The following NREP variants were observed in gnomAD, a reference collection of about 807,000 sequenced individuals.
NREP encodes neuronal regeneration-related protein.
In NREP, 5 loss-of-function variants were observed where a neutral mutation model predicts 8.6. The observed-to-expected ratio is 0.58, with a 90% CI of 0.30 to 1.22. The LOEUF (loss-of-function observed/expected upper bound fraction) is 1.22, where lower values mean the gene tolerates loss of function less well. Among genes scored for constraint, NREP ranks in the 50% most tolerant of loss-of-function variants. The pLI, the probability that NREP is intolerant of heterozygous loss-of-function variation, is 0.07. For synonymous variants in NREP, 27 were observed against 28.0 expected, an observed-to-expected ratio of 0.96 and a Z score of 0.11; for missense variants, 86 against 82.5, an observed-to-expected ratio of 1.04 and a Z score of -0.17.
chr5:111,784,604 G>A (rs903964760), intron 2 of NREP, among the ~76,000 whole-genome samples: 1 of 152,118 alleles, frequency 6.6e-6, no homozygotes, highest in South Asian at 2.1e-4. Flanking sequence ...AGATGTTGAA[G>A]AAATATTATT....
chr5:111,822,879 T>C (rs2112926036), intron 2 of NREP, among the ~76,000 whole-genome samples: 1 of 152,320 alleles, frequency 6.6e-6, no homozygotes, highest in Admixed American at 6.5e-5. Context: ...CATCAACATA[T>C]CACTGGAATC....
At chr5:111,903,082 CTTTTT>C (rs759722512) in intron 2 of NREP, among the ~76,000 whole-genome samples, 3 of 122,720 alleles carry the variant, frequency 2.4e-5, no homozygotes, top group Non-Finnish European at 3.4e-5. Flanking sequence ...TGTCTTTTCT[CTTTTT>C]TTTTTTTTTT....
chr5:111,750,329 C>T lies in NREP; in HGVS notation c.3+5441G>A, dbSNP rs536013776. Among the ~76,000 whole-genome samples, 7 of 152,290 alleles carry T rather than the reference C, an allele frequency of 4.6e-5. 1 individual carries two copies. Among genetic ancestry groups the T allele is most frequent in the African/African-American group, 1.7e-4 (7 of 41,570 alleles). On this transcript the variant is annotated intron_variant, in intron 2 of 3. Transcript: ENST00000257435. ...GGTCCTAAGTCCTAGAAATAAAAAG[C>T]TTAATAAAAGCATAGTACTTACTCT...
Position 111,975,364 on chromosome 5 carries a change from A to T in NREP, c.45T>A (p.Asp15Glu), listed in dbSNP as rs190915325. The T allele has an allele frequency of 9.0e-5, 139 of 1,551,608 alleles. 1 individual carries two copies. In the African/African-American group the frequency reaches 1.6e-3, roughly 18 times the overall value. The change falls in exon 2 of 4, where the codon GAT becomes GAA. Residue 15 changes from aspartate to glutamate, a missense_variant. Coordinates refer to the NREP transcript ENST00000395634. Reference sequence around the variant, plus strand: ...TCCTGCTCCTCTGGGTTCGTGTTTCATCTTCTCTTCGGCTCTGCAGACAAG... The same window carrying T: ...TCCTGCTCCTCTGGGTTCGTGTTTCTTCTTCTCTTCGGCTCTGCAGACAAG...
intron 2 of NREP, among the ~76,000 whole-genome samples, chr5:111,877,368 C>T (rs992616868): frequency 3.9e-5 from 6 of 152,194 alleles, no homozygotes; most frequent in African/African-American, 1.2e-4. Flanking sequence ...CATGAAAACC[C>T]TCACATAATT....
intron 2 of NREP, among the ~76,000 whole-genome samples, chr5:111,776,963 G>C (rs1751375556): frequency 7.8e-6 from 1 of 127,672 alleles, no homozygotes; most frequent in East Asian, 2.5e-4. Context: ...CAATGAAAAA[G>C]TAAAGAAGGA....
chr5:111,957,096 T>G (rs1178283412), intron 2 of NREP, among the ~76,000 whole-genome samples: 2 of 151,382 alleles, frequency 1.3e-5, no homozygotes, highest in African/African-American at 4.9e-5. Context: ...AAGAAGAGAC[T>G]GTTACTAATA....
intron 2 of NREP, among the ~76,000 whole-genome samples, chr5:111,906,036 C>A (rs1374859642): frequency 6.6e-6 from 1 of 151,956 alleles, no homozygotes; most frequent in Non-Finnish European, 1.5e-5. Flanking sequence ...GATTAGAGCT[C>A]ATTTAAAAAT....
At chr5:111,884,180 A>G (rs1005235214) in intron 2 of NREP, among the ~76,000 whole-genome samples, 2 of 151,722 alleles carry the variant, frequency 1.3e-5, no homozygotes, top group African/African-American at 2.4e-5. Context: ...CTACCATCAG[A>G]GAATACTACA....
intron 2 of NREP, among the ~76,000 whole-genome samples, chr5:111,845,711 A>G (rs931563839): frequency 6.6e-6 from 1 of 152,178 alleles, no homozygotes; most frequent in African/African-American, 2.4e-5. Context: ...ATTTAATATC[A>G]TATATACTAC....
rs75493175 is a variant in NREP at position 111,741,364 on chromosome 5, G to A, written c.4-5857C>T. On this transcript the variant is annotated intron_variant, in intron 2 of 3. Transcript: ENST00000257435. ...ACTGTAATTCAAGGAGAATTCATGC[G>A]CATATACATACACTTCCTTTCTGCA... Among the ~76,000 whole-genome samples the A allele has an allele frequency of 6.0e-3, 911 of 152,240 alleles. 5 individuals carry two copies. The highest frequency in any genetic ancestry group is 0.02 in the African/African-American group (814 of 41,538).
At chr5:111,939,037 G>C (rs2112612572) in intron 2 of NREP, among the ~76,000 whole-genome samples, 1 of 152,068 alleles carries the variant, frequency 6.6e-6, no homozygotes, top group Non-Finnish European at 1.5e-5. Flanking sequence ...AATCTATCTA[G>C]GATAGACTCA....
chr5:111,851,570 TTTGTGACTA>T (rs1753310805), intron 2 of NREP, among the ~76,000 whole-genome samples: 1 of 152,146 alleles, frequency 6.6e-6, no homozygotes, highest in Non-Finnish European at 1.5e-5. Flanking sequence ...TATCTTGGCT[TTTGTGACTA>T]TTACTGCAAT....
chr5:111,940,846 T>C (rs573137843), intron 2 of NREP, among the ~76,000 whole-genome samples: 1 of 152,122 alleles, frequency 6.6e-6, no homozygotes, highest in African/African-American at 2.4e-5. Context: ...AATAAAACCA[T>C]TATACTTTTG....
intron 2 of NREP, among the ~76,000 whole-genome samples, chr5:111,903,874 A>G (rs570434558): frequency 1.3e-5 from 2 of 152,170 alleles, no homozygotes; most frequent in Admixed American, 6.6e-5. Flanking sequence ...CTCTAGACCT[A>G]TGATCTTATC....
chr5:111,958,928 T>C (rs1370466781), intron 2 of NREP, among the ~76,000 whole-genome samples: 7 of 151,808 alleles, frequency 4.6e-5, no homozygotes, highest in Non-Finnish European at 1.0e-4. Context: ...ACAAATAAAG[T>C]AATGAGACAG....
intron 2 of NREP, among the ~76,000 whole-genome samples, chr5:111,964,163 C>T (rs1756561608): frequency 6.6e-6 from 1 of 152,062 alleles, no homozygotes; most frequent in Non-Finnish European, 1.5e-5. Flanking sequence ...TACTTATTCC[C>T]CAAGAATGTA....
At chr5:111,885,048 G>C (rs1754202887) in intron 2 of NREP, among the ~76,000 whole-genome samples, 1 of 152,198 alleles carries the variant, frequency 6.6e-6, no homozygotes, top group African/African-American at 2.4e-5. Context: ...CCTGTTTGCA[G>C]ATGACATGAT....
intron 2 of NREP, among the ~76,000 whole-genome samples, chr5:111,781,406 A>C (rs1581113093): frequency 6.6e-6 from 1 of 152,070 alleles, no homozygotes; most frequent in African/African-American, 2.4e-5. Context: ...CCAGATGGGC[A>C]CCCAGCCAGC....
Sources: allele counts gnomAD v4.1 joint callset (sites outside exome capture counted in the v4.1 genomes callset), GRCh38; gene constraint gnomAD v4.1.1; transcripts MANE v1.5; gene names NCBI Gene and HGNC (gene_info 2026-07-23, HGNC 2026-07-21).